Variants in ABCA13 observed in about 807,000 individuals in gnomAD.
The protein encoded by ABCA13 is ATP-binding cassette sub-family A member 13.
ABCA13 carries 476 observed loss-of-function variants against 478.7 expected under a neutral mutation model. The ratio of observed to expected loss-of-function variants is 0.99; its 90% CI spans 0.92 to 1.07. The LOEUF (loss-of-function observed/expected upper bound fraction) is 1.07, where lower values mean the gene tolerates loss of function less well. ABCA13 is among the 50% of genes least tolerant of loss of function. The pLI, the probability that ABCA13 is intolerant of heterozygous loss-of-function variation, is 0.00. For synonymous variants in ABCA13, 2,252 were observed against 2,158.9 expected (o/e 1.04, Z -1.20); for missense variants, 6,060 against 5,910.6 (o/e 1.03, Z -0.83).
intron 59 of ABCA13, among the ~76,000 whole-genome samples, chr7:48,615,724 T>C (rs1486688217): frequency 2.6e-5 from 4 of 152,220 alleles, no homozygotes; most frequent in Admixed American, 2.0e-4. Context: ...AAATGCCTTA[T>C]GAAAAGGCTG....
At position 48,489,165 on chromosome 7, in the gene ABCA13, C is replaced by A. The variant is rs913868029; in HGVS notation, c.13183-71C>A. 3.2e-5 allele frequency: 41 copies of A among 1,289,650 alleles called. 1 individual carries two copies. Among genetic ancestry groups the A allele is most frequent in the Non-Finnish European group, 4.4e-5 (40 of 914,404 alleles). The allele number at this position is 1,289,650 out of a possible 1,614,324, so 79.9% of individuals were successfully genotyped here. A position where few individuals can be genotyped will look rare whatever the true frequency, so the allele number is the denominator to read the frequency against. On this transcript the variant is annotated intron_variant, in intron 47 of 61. Coordinates refer to ENST00000435803, the MANE Select transcript of ABCA13 (RefSeq NM_152701.5). ...TAATTGACACATACGTTCCTTAAAT[C>A]CCAGAATAGTTGACAAACAGACTTA... is the stretch of plus-strand genomic sequence containing the variant.
intron 42 of ABCA13, among the ~76,000 whole-genome samples, chr7:48,445,326 T>G (rs1473003823): frequency 6.6e-6 from 1 of 152,158 alleles, no homozygotes; most frequent in African/African-American, 2.4e-5. Context: ...GTCTTAAGAA[T>G]AAGTATTTGA....
intron 3 of ABCA13, among the ~76,000 whole-genome samples, chr7:48,216,205 C>CCAT (rs1386379179): frequency 5.3e-5 from 8 of 152,162 alleles, no homozygotes; most frequent in African/African-American, 1.9e-4. Context: ...TTTTGCTCTC[C>CCAT]CATCATCAGT....
intron 58 of ABCA13, among the ~76,000 whole-genome samples, chr7:48,605,259 G>C (rs1310531710): frequency 6.6e-6 from 1 of 152,156 alleles, no homozygotes; most frequent in East Asian, 1.9e-4. Flanking sequence ...GTGTGAATTT[G>C]ATCCTATCAT....
At chr7:48,339,885 A>G (rs568806202) in intron 29 of ABCA13, among the ~76,000 whole-genome samples, 1 of 152,286 alleles carries the variant, frequency 6.6e-6, no homozygotes, top group African/African-American at 2.4e-5. Flanking sequence ...TGGGGGATTG[A>G]TCACTGACCA....
intron 19 of ABCA13, among the ~76,000 whole-genome samples, chr7:48,282,695 GTTATA>G (rs777621101): frequency 6.6e-6 from 1 of 152,156 alleles, no homozygotes; most frequent in Non-Finnish European, 1.5e-5. Flanking sequence ...CTATCAGGTT[GTTATA>G]TTATGATTTG....
Position 48,275,174 on chromosome 7 carries a change from A to C in ABCA13, c.5508A>C (p.Ser1836=). The C allele has an allele frequency of 3.1e-6, 5 of 1,613,928 alleles. No individual in the cohort carries two copies. The highest frequency in any genetic ancestry group is 4.2e-6 in the Non-Finnish European group (5 of 1,179,862). ...CAAATTCTGGATTTCGGCAGAATTCAAAGATAGACCCCTGCAATGTCCATG... is the reference window on the plus strand; with the variant it reads ...CAAATTCTGGATTTCGGCAGAATTCCAAGATAGACCCCTGCAATGTCCATG... ...NHTNSGFRQN[S]KIDPCNVHGL... Residue 1836 remains serine (S), a synonymous_variant, in exon 17 of 62, where the codon TCA becomes TCC. Transcript: ENST00000435803.
chr7:48,536,096 C>T (rs1413990803), intron 55 of ABCA13, among the ~76,000 whole-genome samples: 1 of 152,222 alleles, frequency 6.6e-6, no homozygotes, highest in African/African-American at 2.4e-5. Context: ...TATGAGTCTT[C>T]ACATGCAGCT....
intron 31 of ABCA13, among the ~76,000 whole-genome samples, chr7:48,353,610 G>A (rs1397914937): frequency 4.0e-5 from 6 of 151,470 alleles, no homozygotes; most frequent in Admixed American, 2.0e-4. Context: ...GTGACTGGGC[G>A]ACACACACGT....
chr7:48,629,540 CA>C (rs1210326622), intron 59 of ABCA13, among the ~76,000 whole-genome samples: 2 of 15,824 alleles, frequency 1.3e-4, no homozygotes, highest in Non-Finnish European at 2.6e-4. Context: ...TATAAAAGAA[CA>C]AAAAAAATTC....
intron 3 of ABCA13, among the ~76,000 whole-genome samples, chr7:48,199,076 T>A (rs1403644905): frequency 6.6e-6 from 1 of 152,232 alleles, no homozygotes; most frequent in Non-Finnish European, 1.5e-5. Flanking sequence ...CAGGTATGAA[T>A]GATCTGAGTT....
intron 51 of ABCA13, among the ~76,000 whole-genome samples, chr7:48,515,515 C>T (rs1036043157): frequency 6.6e-6 from 1 of 152,134 alleles, no homozygotes; most frequent in African/African-American, 2.4e-5. Flanking sequence ...GGGACTGCTT[C>T]TAGGGTTCAA....
intron 59 of ABCA13, among the ~76,000 whole-genome samples, chr7:48,641,098 G>A (rs1562585499): frequency 6.6e-6 from 1 of 152,074 alleles, no homozygotes. Context: ...GTGCATATGT[G>A]CTTATAGAGA....
chr7:48,492,363 A>G (rs1829914909), intron 48 of ABCA13, among the ~76,000 whole-genome samples: 1 of 151,946 alleles, frequency 6.6e-6, no homozygotes, highest in Non-Finnish European at 1.5e-5. Flanking sequence ...CTGTTGGAAT[A>G]CTCACCACCC....
In ABCA13 at chr7:48,362,717, C is replaced by A. The variant is rs552838959; in HGVS notation, c.10689-5077C>A. Reference sequence around the variant, plus strand: ...TATAACATTATATAAGTAATATAAACCCTTGTTTTTTTATCACAAGCAATA... The same window carrying A: ...TATAACATTATATAAGTAATATAAAACCTTGTTTTTTTATCACAAGCAATA... On this transcript the variant is annotated intron_variant, in intron 31 of 61. Coordinates refer to ENST00000435803, the MANE Select transcript of ABCA13 (RefSeq NM_152701.5). Among the ~76,000 whole-genome samples, 4 of 151,232 alleles carry A rather than the reference C, an allele frequency of 2.6e-5. No homozygotes were observed. The East Asian group carries it at 7.8e-4, about 29-fold the overall frequency.
At chr7:48,284,992 A>G (rs769960359) in intron 19 of ABCA13, among the ~76,000 whole-genome samples, 5 of 152,210 alleles carry the variant, frequency 3.3e-5, no homozygotes, top group African/African-American at 1.2e-4. Flanking sequence ...TGAGTTCAGT[A>G]TCTCCAGGAG....
At chr7:48,336,827 A>T (rs1806340175) in intron 28 of ABCA13, among the ~76,000 whole-genome samples, 1 of 152,274 alleles carries the variant, frequency 6.6e-6, no homozygotes, top group African/African-American at 2.4e-5. Context: ...TTGTTAATAC[A>T]GACATCAGCA....
chr7:48,281,610 A>G (rs1797053715), intron 19 of ABCA13, among the ~76,000 whole-genome samples, 158 bp downstream of exon 19: 1 of 152,006 alleles, frequency 6.6e-6, no homozygotes, highest in African/African-American at 2.4e-5. Context: ...GCCCCTCCCA[A>G]CCTCATTCCC....
At chr7:48,448,346 G>A (rs1426848510) in intron 42 of ABCA13, among the ~76,000 whole-genome samples, 1 of 152,214 alleles carries the variant, frequency 6.6e-6, no homozygotes, top group Non-Finnish European at 1.5e-5. Flanking sequence ...GGTAGTATAA[G>A]CCCTTTAGTG....
Sources: gnomAD v4.1 joint callset for allele counts (sites outside exome capture counted in the v4.1 genomes callset) on GRCh38, gnomAD v4.1.1 for gene constraint, MANE v1.5 for transcripts, NCBI Gene and HGNC (gene_info 2026-07-23, HGNC 2026-07-21) for gene names.